The following RNF19A variants were observed in gnomAD, a reference collection of about 807,000 sequenced individuals.
The protein encoded by RNF19A is E3 ubiquitin-protein ligase RNF19A.
A neutral mutation model predicts 75.7 loss-of-function variants in RNF19A; 32 were observed. The ratio of observed to expected loss-of-function variants is 0.42; its 90% CI spans 0.32 to 0.57. RNF19A has a LOEUF of 0.57. Ranked by LOEUF, RNF19A falls within the 20% of genes least tolerant of loss-of-function variation. The probability of loss-of-function intolerance (pLI) is 0.10; values close to 1 mark genes in which losing one functional copy is unlikely to be tolerated. For missense variants in RNF19A, 782 were observed against 1,036.3 expected (o/e 0.75, Z 3.37); for synonymous variants, 335 against 345.2 (o/e 0.97, Z 0.33).
At chr8:100,309,350 G>A (rs1410197553) in intron 1 of RNF19A, 6 of 985,700 alleles carry the variant, frequency 6.1e-6, no homozygotes, top group Non-Finnish European at 7.2e-6. Flanking sequence ...ACGGCTTGCG[G>A]GGCGATGTCC....
chr8:100,309,459 C>G (rs1822201590), intron 1 of RNF19A: 1 of 985,502 alleles, frequency 1.0e-6, no homozygotes, highest in African/African-American at 1.7e-5. Flanking sequence ...CCGCGGCAAC[C>G]GCCCTTGGGT....
In RNF19A at chr8:100,332,199, C is replaced by A. The variant is rs1822620623; in HGVS notation, c.-243+3909G>T. Among the ~76,000 whole-genome samples, 1 of 152,108 alleles carries A rather than the reference C, an allele frequency of 6.6e-6. No homozygotes were observed. The highest frequency in any genetic ancestry group is 1.5e-5 in the Non-Finnish European group (1 of 68,014). ...TCTGATTTGGTTTGGCTCTGTGTCC[C>A]CATGTAAATCTTATCTTGAATTGTA... On this transcript the variant is annotated intron_variant, in intron 1 of 3. Coordinates refer to the RNF19A transcript ENST00000519527. The surrounding 1 kb of genome is among the most constrained non-coding windows in gnomAD (Gnocchi z 4.8).
chr8:100,287,739 C>T lies in RNF19A; in HGVS notation c.436G>A (p.Asp146Asn), dbSNP rs888071580. 1 of 1,614,084 alleles carries T rather than the reference C, an allele frequency of 6.2e-7. No homozygotes were observed. Among genetic ancestry groups the T allele is most frequent in the African/African-American group, 1.3e-5 (1 of 75,044 alleles). Residue 146 changes from aspartate (D) to asparagine (N), a missense_variant, in exon 2 of 10, where the codon GAT (aspartate) becomes AAT (asparagine). Physicochemically the swap from Asp to Asn is conservative, Grantham distance 23. Around this residue, in one of 7 missense-constraint regions of RNF19A, gnomAD observed 85 missense variants for 177.7 expected, o/e 0.48. Transcript: ENST00000341084. The surrounding 1 kb of genome is among the most constrained non-coding windows in gnomAD (Gnocchi z 4.1). ...GATCTGTGATGACAAGTCATTATATCAGGAAATCTGTCTTTAGAATGCCGC... is the reference window on the plus strand; with the variant it reads ...GATCTGTGATGACAAGTCATTATATTAGGAAATCTGTCTTTAGAATGCCGC... ...LLRHSKDRFPDIMTCHHRSCV... is the reference protein window; with the variant it reads ...LLRHSKDRFPNIMTCHHRSCV...
rs1446254380 is a variant in RNF19A, at chr8:100,332,391, C to T, written c.-243+3717G>A. ...TTGTTTGCACTTCTTTCTCTCCTGC[C>T]GCCTTGTGAAGAAGGTGCCTGCTTC... On this transcript the variant is annotated intron_variant, in intron 1 of 3. Transcript: ENST00000519527. The surrounding 1 kb of genome is among the most constrained non-coding windows in gnomAD (Gnocchi z 4.8). 9.8e-5 allele frequency among the ~76,000 whole-genome samples: 15 copies of T among 152,314 alleles called. No homozygotes were observed. The East Asian group carries it at 2.1e-3, about 22-fold the overall frequency.
At chr8:100,298,448 A>C (rs1258832139) in intron 1 of RNF19A, among the ~76,000 whole-genome samples, 1 of 152,230 alleles carries the variant, frequency 6.6e-6, no homozygotes, top group Non-Finnish European at 1.5e-5. Context: ...GGGATAATTC[A>C]ACATATCATT....
At position 100,275,031 on chromosome 8, in the gene RNF19A, G is replaced by A; in HGVS notation, c.805C>T (p.Gln269Ter). ...AAACGTAAGCTCTGGGCTCTCTCTT[G>A]TCGAGCAGCATCACAGGTCTGGTTG... ...HPNQTCDAARQERAQSLRLRT... is the reference protein window; with the variant it reads ...HPNQTCDAAR The change falls in exon 3 of 10, where the codon CAA becomes TAA. Residue 269 changes from glutamine (Q) to a stop codon, truncating the protein, a stop_gained. Coordinates refer to ENST00000341084, the MANE Select transcript of RNF19A (RefSeq NM_183419.4). LOFTEE classifies it high-confidence loss of function. The surrounding 1 kb of genome is among the most constrained non-coding windows in gnomAD (Gnocchi z 4.3). 1 of 1,614,138 alleles carries A rather than the reference G, an allele frequency of 6.2e-7. No individual in the cohort carries two copies.
chr8:100,292,438 GTGT>G (rs753026013), intron 1 of RNF19A, among the ~76,000 whole-genome samples: 27 of 143,256 alleles, frequency 1.9e-4, no homozygotes, highest in Admixed American at 3.5e-4. Context: ...TCATATGGGT[GTGT>G]GTGTGTGTGT....
At chr8:100,309,982 C>T, upstream of RNF19A, 1 of 985,652 alleles carries the variant, frequency 1.0e-6, no homozygotes, top group Non-Finnish European at 1.2e-6. Context: ...TGCGCCGAGG[C>T]GCCTCTCAAC....
At chr8:100,266,732 C>G (rs962726389) in intron 5 of RNF19A, among the ~76,000 whole-genome samples, 1 of 151,968 alleles carries the variant, frequency 6.6e-6, no homozygotes, top group Non-Finnish European at 1.5e-5. Context: ...AGGCTGGTCT[C>G]AAACTCCTGG....
At chr8:100,293,464 C>A (rs1035760638) in intron 1 of RNF19A, among the ~76,000 whole-genome samples, 3 of 152,212 alleles carry the variant, frequency 2.0e-5, no homozygotes, top group Non-Finnish European at 4.4e-5. Context: ...GACAAGTCAT[C>A]TTTCCTGATA....
rs1821067982 is a variant in RNF19A, at chr8:100,287,280, A to C, written c.674+221T>G. ...TCTACCACCTTACCCTTTCCTTCTA[A>C]AAGTGCTCAGTGAGTATGTAACGCA... On this transcript the variant is annotated intron_variant, in intron 2 of 9. Transcript: ENST00000341084. The surrounding 1 kb of genome is among the most constrained non-coding windows in gnomAD (Gnocchi z 4.1). Among the ~76,000 whole-genome samples the C allele has an allele frequency of 6.6e-6, 1 of 152,162 alleles. No homozygotes were observed. Among genetic ancestry groups the C allele is most frequent in the Admixed American group, 6.5e-5 (1 of 15,280 alleles).
At chr8:100,283,240 G>A (rs115747289) in intron 2 of RNF19A, among the ~76,000 whole-genome samples, 979 of 28,480 alleles carry the variant, frequency 0.034, 7 homozygotes, top group African/African-American at 0.25. Flanking sequence ...TGAAACAGGT[G>A]ATAGAAACTA....
chr8:100,287,419 ATT>A lies in RNF19A; in HGVS notation c.674+80_674+81del. On this transcript the variant is annotated intron_variant, in intron 2 of 9. Transcript: ENST00000341084. The surrounding 1 kb of genome is among the most constrained non-coding windows in gnomAD (Gnocchi z 4.1). ...TGAATGAATTCTCCAGCATGTAAAA[ATT>A]TTTCTTTTGAGTAATAGCAAATTAT... 1 of 1,343,614 alleles carries A rather than the reference ATT, an allele frequency of 7.4e-7. No individual in the cohort carries two copies. The highest frequency in any genetic ancestry group is 2.3e-5 in the East Asian group (1 of 42,820). The allele number at this position is 1,343,614 out of a possible 1,614,324, so 83.2% of individuals were successfully genotyped here.
intron 1 of RNF19A, among the ~76,000 whole-genome samples, chr8:100,305,423 C>T (rs764401708): frequency 2.6e-5 from 4 of 152,170 alleles, no homozygotes; most frequent in South Asian, 2.1e-4. Flanking sequence ...TCATACAAAA[C>T]GCCCCTAGAG....
At chr8:100,272,755 G>A (rs770839826) in intron 3 of RNF19A, among the ~76,000 whole-genome samples, 25 of 152,000 alleles carry the variant, frequency 1.6e-4, no homozygotes, top group Non-Finnish European at 3.4e-4. Flanking sequence ...TGTTGCCCAG[G>A]CTGTTGAAGT....
At chr8:100,306,407 T>C (rs1374438073) in intron 1 of RNF19A, among the ~76,000 whole-genome samples, 1 of 152,168 alleles carries the variant, frequency 6.6e-6, no homozygotes, top group Non-Finnish European at 1.5e-5. Flanking sequence ...CTTTAGTAAA[T>C]GATTTATAAA....
At position 100,260,944 on chromosome 8, in the gene RNF19A, GTTACC is replaced by G. The variant is rs1423504215; in HGVS notation, c.1682+593_1682+597del. 5.9e-5 allele frequency among the ~76,000 whole-genome samples: 9 copies of G among 152,150 alleles called. No homozygotes were observed. The highest frequency in any genetic ancestry group is 1.3e-4 in the Non-Finnish European group (9 of 68,036). ...TCCCATCTCCTAATATCTGGCTGTT[GTTACC>G]CACAGAGGTAAGATCTAGGCTTAAG... On this transcript the variant is annotated intron_variant, in intron 8 of 9. Coordinates refer to ENST00000341084, the MANE Select transcript of RNF19A (RefSeq NM_183419.4). This position sits in a 1 kb window ranked among gnomAD's most constrained non-coding sequence, Gnocchi z 4.1.
chr8:100,296,407 C>G (rs557745475), intron 1 of RNF19A, among the ~76,000 whole-genome samples: 5 of 152,124 alleles, frequency 3.3e-5, no homozygotes, highest in African/African-American at 4.8e-5. Context: ...GACCAGCCTC[C>G]GGGCATTATT....
Position 100,258,507 on chromosome 8 carries a change from G to C in RNF19A, c.*49C>G. ...TAAGTAGTCACATGTAGTTCAACCA[G>C]CTCCAAACACGGTTGTACAGTGGTA... On this transcript the variant is annotated 3_prime_UTR_variant, in exon 10 of 10. Transcript: ENST00000341084. The surrounding 1 kb of genome is among the most constrained non-coding windows in gnomAD (Gnocchi z 4.3). 6.8e-7 allele frequency: 1 copy of C among 1,461,370 alleles called. No homozygotes were observed. Among genetic ancestry groups the C allele is most frequent in the Non-Finnish European group, 9.3e-7 (1 of 1,073,130 alleles). The allele number at this position is 1,461,370 out of a possible 1,614,324, so 90.5% of individuals were successfully genotyped here. A position where few individuals can be genotyped will look rare whatever the true frequency, so the allele number is the denominator to read the frequency against.
Sources: gnomAD v4.1 joint callset for allele counts (sites outside exome capture counted in the v4.1 genomes callset) on GRCh38, gnomAD v4.1.1 for gene constraint, gnomAD v4.1.1 regional missense constraint, Gnocchi (gnomAD v3.1) non-coding constraint, MANE v1.5 for transcripts, NCBI Gene and HGNC (gene_info 2026-07-23, HGNC 2026-07-21) for gene names.